RALGAPA1: variants seen among roughly 807,000 people sequenced by gnomAD.
RALGAPA1 encodes the protein Ral GTPase activating protein catalytic subunit alpha 1.
A neutral mutation model predicts 269.6 loss-of-function variants in RALGAPA1; 52 were observed. The ratio of observed to expected loss-of-function variants is 0.19; its 90% CI spans 0.15 to 0.24. The LOEUF is 0.24. Among genes scored for constraint, RALGAPA1 ranks in the 10% least tolerant of loss-of-function variants. The probability of loss-of-function intolerance (pLI) is 1.00; values close to 1 mark genes in which losing one functional copy is unlikely to be tolerated. For missense variants in RALGAPA1, 1,917 were observed against 3,013.9 expected, an observed-to-expected ratio of 0.64 and a Z score of 8.52; for synonymous variants, 817 against 1,008.3, an observed-to-expected ratio of 0.81 and a Z score of 3.60.
At chr14:35,692,756 C>A (rs2066596401) in intron 17 of RALGAPA1, among the ~76,000 whole-genome samples, 1 of 151,828 alleles carries the variant, frequency 6.6e-6, no homozygotes, top group Non-Finnish European at 1.5e-5. Context: ...ATGCTAAATT[C>A]AGATCAAGAG....
intron 37 of RALGAPA1, among the ~76,000 whole-genome samples, chr14:35,576,723 T>A (rs1227196246): frequency 6.6e-6 from 1 of 152,200 alleles, no homozygotes; most frequent in African/African-American, 2.4e-5. Flanking sequence ...TTATTATCCC[T>A]ATTTTTACAG....
At chr14:35,724,041 T>G (rs1468153885) in intron 14 of RALGAPA1, among the ~76,000 whole-genome samples, 1 of 152,130 alleles carries the variant, frequency 6.6e-6, no homozygotes, top group African/African-American at 2.4e-5. Context: ...CTATAGTAAC[T>G]ACTGACCTCC....
rs2058126960 is a variant in RALGAPA1, at chr14:35,584,200, T to TGACAGCAATGAATG, written c.7209+11433_7209+11434insCATTCATTGCTGTC. Among the ~76,000 whole-genome samples, 5 of 152,136 alleles carry TGACAGCAATGAATG rather than the reference T, an allele frequency of 3.3e-5. No individual in the cohort carries two copies. The South Asian group carries it at 1.0e-3, about 32-fold the overall frequency. The stretch of plus-strand genomic sequence containing the variant: ...CAAGCGAAATGAATGACAGCAATGA[T>TGACAGCAATGAATG]ACAAGGGATGGAAAGGAGGGATTAG... On this transcript the variant is annotated intron_variant, in intron 37 of 41. Coordinates refer to ENST00000680220, the MANE Select transcript of RALGAPA1 (RefSeq NM_001346249.2).
At position 35,723,212 on chromosome 14, in the gene RALGAPA1, T is replaced by C; in HGVS notation, c.1919A>G (p.Glu640Gly). 1.2e-6 allele frequency: 2 copies of C among 1,613,632 alleles called. No individual in the cohort carries two copies. Among genetic ancestry groups the C allele is most frequent in the South Asian group, 1.1e-5 (1 of 91,056 alleles). Residue 640 changes from glutamate to glycine, a missense_variant, in exon 15 of 42, where the codon GAA (glutamate) becomes GGA (glycine). Physicochemically the swap from Glu to Gly is moderately conservative, Grantham distance 98. This residue lies in a region of RALGAPA1 where 40 missense variants were observed against 112.6 expected (regional missense o/e 0.36). Transcript: ENST00000680220. ...KANLNVYISR[E>G]LWDDLLSVLS... ...TACTGACAGTAAGTCATCCCAAAGTTCTCGGGAGATGTACACATTTAGGTT... is the reference window on the plus strand; with the variant it reads ...TACTGACAGTAAGTCATCCCAAAGTCCTCGGGAGATGTACACATTTAGGTT...
At chr14:35,671,359 T>A in intron 26 of RALGAPA1, 30 bp downstream of exon 26, 1 of 1,552,632 alleles carries the variant, frequency 6.4e-7, no homozygotes, top group Non-Finnish European at 8.7e-7. Flanking sequence ...CTAAAGTTTG[T>A]TATATGATAA....
chr14:35,554,352 T>C (rs1466556011), intron 39 of RALGAPA1, among the ~76,000 whole-genome samples: 3 of 134,782 alleles, frequency 2.2e-5, no homozygotes, highest in Non-Finnish European at 3.2e-5. Flanking sequence ...TTTTTTTTTT[T>C]TTTTTTTTTT....
intron 35 of RALGAPA1, among the ~76,000 whole-genome samples, chr14:35,622,505 A>G (rs988541725): frequency 5.9e-5 from 9 of 152,250 alleles, no homozygotes; most frequent in African/African-American, 2.2e-4. Flanking sequence ...CTAAAACTTA[A>G]AGTATAATAC....
In RALGAPA1 at chr14:35,688,608, G is replaced by T; in HGVS notation, c.3803C>A (p.Ser1268Tyr). 6.5e-7 allele frequency: 1 copy of T among 1,535,388 alleles called. No individual in the cohort carries two copies. Among genetic ancestry groups the T allele is most frequent in the Non-Finnish European group, 8.7e-7 (1 of 1,146,784 alleles). ...AACAGTTTTATAAACGCCACCCAGG[G>T]AGCCCTGCTGTAGTCCTGCCTCATG... ...SSHEAGLQQG[S>Y]LGGVYKTVVH... is the part of the protein sequence containing the mutation. Residue 1268 changes from serine to tyrosine, a missense_variant, in exon 18 of 42, where the codon TCC (serine) becomes TAC (tyrosine). Around this residue, in one of 11 missense-constraint regions of RALGAPA1, gnomAD observed 615 missense variants for 790.0 expected, o/e 0.78. Transcript: ENST00000680220.
At chr14:35,614,667 A>G (rs2060141330) in intron 35 of RALGAPA1, among the ~76,000 whole-genome samples, 2 of 152,312 alleles carry the variant, frequency 1.3e-5, no homozygotes, top group South Asian at 2.1e-4. Flanking sequence ...AATATACTAA[A>G]AATATGTACA....
At chr14:35,774,031 A>G (rs1405214147) in intron 3 of RALGAPA1, among the ~76,000 whole-genome samples, 2 of 152,108 alleles carry the variant, frequency 1.3e-5, no homozygotes, top group African/African-American at 4.8e-5. Context: ...CTCCCACCTC[A>G]GCCTCCTGAG....
intron 37 of RALGAPA1, among the ~76,000 whole-genome samples, chr14:35,583,917 G>A (rs1254382653): frequency 6.6e-6 from 1 of 152,092 alleles, no homozygotes; most frequent in Non-Finnish European, 1.5e-5. Flanking sequence ...AAAATTGAGG[G>A]AATTTGCAGC....
At chr14:35,770,616 TTCCATCTC>T (rs2074539864) in intron 4 of RALGAPA1, among the ~76,000 whole-genome samples, 1 of 152,224 alleles carries the variant, frequency 6.6e-6, no homozygotes, top group African/African-American at 2.4e-5. Context: ...TGCATTTTTC[TTCCATCTC>T]TGATTCATAG....
intron 22 of RALGAPA1, 146 bp downstream of exon 22, chr14:35,677,804 T>C (rs929989797): frequency 2.9e-6 from 2 of 700,014 alleles, no homozygotes; most frequent in Non-Finnish European, 4.7e-6. Flanking sequence ...AGAAAAAAGT[T>C]ACATTAACAA....
In RALGAPA1 at chr14:35,689,972, T is replaced by C; in HGVS notation, c.2439A>G (p.Ser813=). 1 of 1,596,944 alleles carries C rather than the reference T, an allele frequency of 6.3e-7. No individual in the cohort carries two copies. The highest frequency in any genetic ancestry group is 8.5e-7 in the Non-Finnish European group (1 of 1,174,526). Residue 813 remains serine (S), a synonymous_variant, in exon 18 of 42, where the codon TCA becomes TCG. Coordinates refer to ENST00000680220, the MANE Select transcript of RALGAPA1 (RefSeq NM_001346249.2). ...DIDDAQILPR[S]TRVRHFSQSE... ...TTTGTGAAAAATGTCTGACTCTAGT[T>C]GAGCGGGGAAGTATTTGAGCATCAT...
intron 41 of RALGAPA1, among the ~76,000 whole-genome samples, chr14:35,541,330 C>T (rs774621262): frequency 3.3e-5 from 5 of 152,030 alleles, no homozygotes; most frequent in Non-Finnish European, 7.4e-5. Flanking sequence ...CAGGCGTGAG[C>T]CACCGCACCC....
At chr14:35,632,742 C>T (rs2061434448) in intron 33 of RALGAPA1, among the ~76,000 whole-genome samples, 1 of 152,134 alleles carries the variant, frequency 6.6e-6, no homozygotes, top group Admixed American at 6.6e-5. Flanking sequence ...GACAATAGTT[C>T]TCAAATCAGA....
intron 33 of RALGAPA1, among the ~76,000 whole-genome samples, chr14:35,631,659 T>C (rs1346878407): frequency 6.6e-6 from 1 of 151,972 alleles, no homozygotes; most frequent in East Asian, 1.9e-4. Context: ...AAGAGAAGAA[T>C]CCCTGGCTTT....
chr14:35,608,981 C>T (rs925815217), intron 35 of RALGAPA1, among the ~76,000 whole-genome samples: 1 of 152,210 alleles, frequency 6.6e-6, no homozygotes, highest in Non-Finnish European at 1.5e-5. Flanking sequence ...AATCCCAGCA[C>T]TTTGGGAGGC....
At chr14:35,558,553 C>T (rs2055853129) in intron 39 of RALGAPA1, among the ~76,000 whole-genome samples, 1 of 152,154 alleles carries the variant, frequency 6.6e-6, no homozygotes, top group African/African-American at 2.4e-5. Flanking sequence ...TAAGGAATTA[C>T]TACAGGTGGT....
Sources: gnomAD v4.1 joint callset for allele counts (sites outside exome capture counted in the v4.1 genomes callset) on GRCh38, gnomAD v4.1.1 for gene constraint, gnomAD v4.1.1 regional missense constraint, MANE v1.5 for transcripts, NCBI Gene and HGNC (gene_info 2026-07-23, HGNC 2026-07-21) for gene names.